The following SYNE1 variants were observed in gnomAD, a reference collection of about 807,000 sequenced individuals.
SYNE1 encodes nesprin-1.
SYNE1 carries 616 observed loss-of-function variants against 1,111.0 expected under a neutral mutation model. The ratio of observed to expected loss-of-function variants is 0.55; its 90% confidence interval spans 0.52 to 0.59. The LOEUF is 0.59. Among genes scored for constraint, SYNE1 ranks in the 20% least tolerant of loss-of-function variants. The probability of loss-of-function intolerance (pLI) is 0.00; values close to 1 mark genes in which losing one functional copy is unlikely to be tolerated. For missense variants in SYNE1, 10,006 were observed against 10,417.0 expected (o/e 0.96, Z 1.72); for synonymous variants, 3,855 against 3,825.8 (o/e 1.01, Z -0.28).
At chr6:152,544,044 T>G (rs980804961) in intron 3 of SYNE1, among the ~76,000 whole-genome samples, 1 of 152,208 alleles carries the variant, frequency 6.6e-6, no homozygotes, top group African/African-American at 2.4e-5. Flanking sequence ...AAGAAAACAG[T>G]TTAAATATAT....
intron 66 of SYNE1, among the ~76,000 whole-genome samples, chr6:152,356,274 C>T (rs1371052251): frequency 6.6e-6 from 1 of 151,708 alleles, no homozygotes; most frequent in East Asian, 1.9e-4. Flanking sequence ...AATACAGACA[C>T]TGTGGCCCTG....
intron 39 of SYNE1, among the ~76,000 whole-genome samples, chr6:152,422,510 T>C (rs2098280264): frequency 6.6e-6 from 1 of 152,170 alleles, no homozygotes; most frequent in South Asian, 2.1e-4. Flanking sequence ...TTTTTTTCTT[T>C]TTATTTTATT....
chr6:152,164,673 A>AT (rs1375450913), intron 130 of SYNE1, among the ~76,000 whole-genome samples: 3 of 152,232 alleles, frequency 2.0e-5, no homozygotes, highest in Non-Finnish European at 4.4e-5. Context: ...AAAATCAATT[A>AT]TTGACTCCCT....
At chr6:152,563,876 A>T (rs553578735) in intron 3 of SYNE1, among the ~76,000 whole-genome samples, 2 of 152,174 alleles carry the variant, frequency 1.3e-5, no homozygotes, top group Non-Finnish European at 2.9e-5. Context: ...ATTGCAAAAC[A>T]CTCATTACAA....
At chr6:152,410,321 G>A (rs1305546869) in intron 42 of SYNE1, 1 of 152,096 alleles carries the variant, frequency 6.6e-6, no homozygotes, top group Non-Finnish European at 1.5e-5. Context: ...ATTTGATCTT[G>A]TGAAGGTAAG....
intron 98 of SYNE1, among the ~76,000 whole-genome samples, chr6:152,272,713 T>C (rs950130322): frequency 3.9e-5 from 6 of 152,198 alleles, no homozygotes; most frequent in African/African-American, 1.4e-4. Flanking sequence ...GTAAGAGGTA[T>C]TACCATCTCC....
chr6:152,344,166 T>C lies in SYNE1; in HGVS notation c.12140A>G (p.Gln4047Arg). 1.2e-6 allele frequency: 2 copies of C among 1,614,248 alleles called. No homozygotes were observed. Among genetic ancestry groups the C allele is most frequent in the South Asian group, 1.1e-5 (1 of 91,090 alleles). The change falls in exon 74 of 146, where the codon CAG becomes CGG. Residue 4047 changes from glutamine (Q) to arginine (R), a missense_variant. Gln to Arg is a conservative substitution (Grantham distance 43). Around this residue, in one of 7 missense-constraint regions of SYNE1, gnomAD observed 4,955 missense variants for 5,017.2 expected, o/e 0.99. Coordinates refer to ENST00000367255, the MANE Select transcript of SYNE1 (RefSeq NM_182961.4). ...KHVSRQDTLQQCQAWLSAVQP... is the reference protein window; with the variant it reads ...KHVSRQDTLQRCQAWLSAVQP... Reference sequence around the variant, plus strand: ...GACTGCAGAAAGCCAGGCCTGGCACTGCTGCAGGGTGTCTTGTCGGCTGAC... The same window carrying C: ...GACTGCAGAAAGCCAGGCCTGGCACCGCTGCAGGGTGTCTTGTCGGCTGAC...
chr6:152,535,416 T>G (rs1564702174), intron 4 of SYNE1, among the ~76,000 whole-genome samples: 1 of 152,214 alleles, frequency 6.6e-6, no homozygotes, highest in Non-Finnish European at 1.5e-5. Context: ...GTATTTAAAA[T>G]GTTCAGTGCC....
intron 3 of SYNE1, among the ~76,000 whole-genome samples, chr6:152,603,482 A>G (rs1228170305): frequency 1.3e-5 from 2 of 152,136 alleles, no homozygotes; most frequent in African/African-American, 2.4e-5. Context: ...ATCTCCTGAC[A>G]TAAGTTTCCT....
intron 97 of SYNE1, among the ~76,000 whole-genome samples, chr6:152,279,730 A>AC (rs1483533583): frequency 4.0e-5 from 6 of 151,736 alleles, no homozygotes; most frequent in African/African-American, 1.4e-4. Context: ...AAAAAAAAAA[A>AC]AAAAAAGAAT....
At chr6:152,380,865 G>T in intron 56 of SYNE1, 141 bp downstream of exon 56, 1 of 794,104 alleles carries the variant, frequency 1.3e-6, no homozygotes, top group Non-Finnish European at 2.1e-6. Context: ...ATCAGACTTT[G>T]CTTATTTAAT....
intron 3 of SYNE1, among the ~76,000 whole-genome samples, chr6:152,551,350 A>G (rs1023411447): frequency 6.6e-6 from 1 of 152,212 alleles, no homozygotes; most frequent in African/African-American, 2.4e-5. Flanking sequence ...CTGAAGAGTT[A>G]CAGAATAATG....
intron 3 of SYNE1, among the ~76,000 whole-genome samples, chr6:152,562,717 G>C (rs1263676152): frequency 6.6e-6 from 1 of 152,068 alleles, no homozygotes; most frequent in Non-Finnish European, 1.5e-5. Context: ...TGGGTTGATG[G>C]GTGCAGCAAA....
intron 87 of SYNE1, among the ~76,000 whole-genome samples, chr6:152,311,777 T>A (rs1160087492): frequency 7.4e-6 from 1 of 135,916 alleles, no homozygotes; most frequent in Non-Finnish European, 1.6e-5. Flanking sequence ...AATAGACTAT[T>A]TATTTATTTC....
intron 44 of SYNE1, among the ~76,000 whole-genome samples, chr6:152,408,682 G>A (rs1016190111): frequency 3.3e-5 from 5 of 152,084 alleles, no homozygotes; most frequent in Non-Finnish European, 7.4e-5. Context: ...AGCTGGGTGC[G>A]GTGGCTCACA....
chr6:152,340,892 C>A (rs2096521837), intron 74 of SYNE1, among the ~76,000 whole-genome samples: 1 of 152,120 alleles, frequency 6.6e-6, no homozygotes, highest in Non-Finnish European at 1.5e-5. Flanking sequence ...GATGGCCTGA[C>A]AGGGGGTGGT....
intron 3 of SYNE1, among the ~76,000 whole-genome samples, chr6:152,559,899 G>A (rs774459795): frequency 8.5e-5 from 13 of 152,134 alleles, no homozygotes; most frequent in Admixed American, 7.2e-4. Context: ...AAAGAAAAGA[G>A]AGGAGATTCA....
chr6:152,455,999 T>C lies in SYNE1; in HGVS notation c.2614A>G (p.Ile872Val). 1 of 1,614,072 alleles carries C rather than the reference T, an allele frequency of 6.2e-7. No homozygotes were observed. The highest frequency in any genetic ancestry group is 8.5e-7 in the Non-Finnish European group (1 of 1,180,006). Residue 872 changes from isoleucine (I) to valine (V), a missense_variant, in exon 23 of 146, where the codon ATT (isoleucine) becomes GTT (valine). This residue lies in a region of SYNE1 where 1,971 missense variants were observed against 2,084.1 expected (regional missense o/e 0.95). Transcript: ENST00000367255. ...TGAACACTTTGACTGCCTTTCTCAA[T>C]AAGTGTCAAGGTTTTCTTACAGTTT... ...QENCKKTLTLIEKGSQSVQKF... is the reference protein window; with the variant it reads ...QENCKKTLTLVEKGSQSVQKF...
rs1393015481 is a variant in SYNE1, at chr6:152,148,689, G to GA, written c.24643-312dup. Among the ~76,000 whole-genome samples the GA allele has an allele frequency of 1.3e-5, 2 of 150,768 alleles. No individual in the cohort carries two copies. The highest frequency in any genetic ancestry group is 4.9e-5 in the African/African-American group (2 of 41,134). On this transcript the variant is annotated intron_variant, in intron 136 of 145. Coordinates refer to ENST00000367255, the MANE Select transcript of SYNE1 (RefSeq NM_182961.4). This position sits in a 1 kb window ranked among gnomAD's most constrained non-coding sequence, Gnocchi z 4.1. ...CACAGGGTTTTTTTTTTTTGAGTGG[G>GA]AAAAAATTAAAAAGTCTTATAAATT... is the stretch of plus-strand genomic sequence containing the variant.
Sources: allele counts gnomAD v4.1 joint callset (sites outside exome capture counted in the v4.1 genomes callset), GRCh38; gene constraint gnomAD v4.1.1; regional missense constraint gnomAD v4.1.1; non-coding constraint Gnocchi (gnomAD v3.1); transcripts MANE v1.5; gene names NCBI Gene and HGNC (gene_info 2026-07-23, HGNC 2026-07-21).